The following FLRT2 variants were observed in gnomAD, a reference collection of about 807,000 sequenced individuals.
FLRT2 encodes fibronectin leucine rich transmembrane protein 2.
A neutral mutation model predicts 40.0 loss-of-function variants in FLRT2; 15 were observed. The observed-to-expected ratio is 0.38, with a 90% CI of 0.25 to 0.58. The LOEUF (loss-of-function observed/expected upper bound fraction) is 0.58, where lower values mean the gene tolerates loss of function less well. Among genes scored for constraint, FLRT2 ranks in the 20% least tolerant of loss-of-function variants. The pLI is 0.71. For missense variants in FLRT2, 726 were observed against 840.0 expected, an observed-to-expected ratio of 0.86 and a Z score of 1.68; for synonymous variants, 380 against 336.8, an observed-to-expected ratio of 1.13 and a Z score of -1.41.
At chr14:85,564,806 G>A (rs779046031) in intron 1 of FLRT2, among the ~76,000 whole-genome samples, 20 of 152,160 alleles carry the variant, frequency 1.3e-4, no homozygotes, top group Non-Finnish European at 2.5e-4. Context: ...ACATCTGGAC[G>A]ATGAGAATTG....
At chr14:85,556,273 T>C (rs1408322643) in intron 1 of FLRT2, among the ~76,000 whole-genome samples, 2 of 152,194 alleles carry the variant, frequency 1.3e-5, no homozygotes, top group Admixed American at 1.3e-4. Context: ...GTAATTTCAT[T>C]GGTAGGAGAT....
chr14:85,554,744 C>T (rs1026794899), intron 1 of FLRT2, among the ~76,000 whole-genome samples: 3 of 152,054 alleles, frequency 2.0e-5, no homozygotes, highest in South Asian at 2.1e-4. Flanking sequence ...TTAGTTTTTC[C>T]TTTCTGATTA....
In FLRT2 at chr14:85,652,530, C is replaced by G. The variant is rs540705018; in HGVS notation, c.*29033C>G. 2 of 151,906 alleles carry G rather than the reference C, an allele frequency of 1.3e-5. No individual in the cohort carries two copies. The highest frequency in any genetic ancestry group is 2.9e-5 in the Non-Finnish European group (2 of 67,942). The allele number at this position is 151,906 out of a possible 1,614,324, so 9.4% of individuals were successfully genotyped here. A position where few individuals can be genotyped will look rare whatever the true frequency, so the allele number is the denominator to read the frequency against. ...TCATCTGATTAAACAAACAAAAAAC[C>G]CATCTTTATTTTTAGACTAAAAGCC... is the stretch of plus-strand genomic sequence containing the variant. On this transcript the variant is annotated 3_prime_UTR_variant, in exon 2 of 2. Transcript: ENST00000330753.
chr14:85,626,821 C>T lies in FLRT2; in HGVS notation c.*3324C>T, dbSNP rs780990732. 1.8e-5 allele frequency: 3 copies of T among 167,086 alleles called. No individual in the cohort carries two copies. Among genetic ancestry groups the T allele is most frequent in the African/African-American group, 4.8e-5 (2 of 41,460 alleles). The allele number at this position is 167,086 out of a possible 1,614,324, so 10.4% of individuals were successfully genotyped here. On this transcript the variant is annotated 3_prime_UTR_variant, in exon 2 of 2. Transcript: ENST00000330753. ...TCCCTGAGGTTAAAAACAAAAAGTA[C>T]GTGACCAGTCTGGTAAGAAGTATTA...
intron 1 of FLRT2, among the ~76,000 whole-genome samples, chr14:85,566,888 G>A (rs188994755): frequency 6.6e-6 from 1 of 151,916 alleles, no homozygotes; most frequent in Non-Finnish European, 1.5e-5. Flanking sequence ...AAAGCCTTCC[G>A]TTTCTGCCAG....
rs1371027396 is a variant in FLRT2, at chr14:85,639,461, T to C, written c.*15964T>C. 6.6e-6 allele frequency: 1 copy of C among 152,196 alleles called. No homozygotes were observed. The highest frequency in any genetic ancestry group is 2.4e-5 in the African/African-American group (1 of 41,446). 9.4% of individuals were successfully genotyped at this position (152,196 alleles called of 1,614,324 possible). A position where few individuals can be genotyped will look rare whatever the true frequency, so the allele number is the denominator to read the frequency against. On this transcript the variant is annotated 3_prime_UTR_variant, in exon 2 of 2. Transcript: ENST00000330753. ...TAGGCATTCAAGGTACCACATTTAC[T>C]TTCTACAATGCAAGTAGAAGAAGGG...
chr14:85,535,200 A>T (rs1483801371), intron 1 of FLRT2, among the ~76,000 whole-genome samples: 1 of 152,244 alleles, frequency 6.6e-6, no homozygotes, highest in Non-Finnish European at 1.5e-5. Flanking sequence ...GCTTTGGAGC[A>T]TGTCCACTCG....
At chr14:85,581,133 AC>A (rs1408609040) in intron 1 of FLRT2, among the ~76,000 whole-genome samples, 1 of 152,200 alleles carries the variant, frequency 6.6e-6, no homozygotes, top group Non-Finnish European at 1.5e-5. Context: ...GACCACAGAT[AC>A]CCTTGAAATT....
rs2139409063 is a variant in FLRT2, at chr14:85,649,371, GT to G, written c.*25877del. 1 of 152,126 alleles carries G rather than the reference GT, an allele frequency of 6.6e-6. No homozygotes were observed. The highest frequency in any genetic ancestry group is 1.5e-5 in the Non-Finnish European group (1 of 67,962). 9.4% of individuals were successfully genotyped at this position (152,126 alleles called of 1,614,324 possible). On this transcript the variant is annotated 3_prime_UTR_variant, in exon 2 of 2. Transcript: ENST00000330753. Reference sequence around the variant, plus strand: ...CTTATTTGCATCCATTGGTCTTTTGGTTTATGTGCTTTAATAATTTGAAAAA... The same window carrying G: ...CTTATTTGCATCCATTGGTCTTTTGGTTATGTGCTTTAATAATTTGAAAAA...
At position 85,598,949 on chromosome 14, in the gene FLRT2, G is replaced by A. The variant is rs1385209883; in HGVS notation, c.-376-22190G>A. On this transcript the variant is annotated intron_variant, in intron 1 of 1. Coordinates refer to ENST00000330753, the MANE Select transcript of FLRT2 (RefSeq NM_013231.6). ...TTTTTTTTTTTTGAGACGGAGTCTC[G>A]CTCTGTCGCCCAGGCTGGAGTGCAG... is the stretch of plus-strand genomic sequence containing the variant. 2.4e-5 allele frequency among the ~76,000 whole-genome samples: 3 copies of A among 123,662 alleles called. No individual in the cohort carries two copies. The South Asian group carries it at 7.6e-4, about 31-fold the overall frequency. 81.1% of individuals were successfully genotyped at this position (123,662 alleles called of 152,430 possible). A position where few individuals can be genotyped will look rare whatever the true frequency, so the allele number is the denominator to read the frequency against.
Position 85,650,714 on chromosome 14 carries a change from TAA to T in FLRT2, c.*27218_*27219del, listed in dbSNP as rs1318661644. 1 of 151,460 alleles carries T rather than the reference TAA, an allele frequency of 6.6e-6. No homozygotes were observed. Among genetic ancestry groups the T allele is most frequent in the Non-Finnish European group, 1.5e-5 (1 of 67,960 alleles). The allele number at this position is 151,460 out of a possible 1,614,324, so 9.4% of individuals were successfully genotyped here. A position where few individuals can be genotyped will look rare whatever the true frequency, so the allele number is the denominator to read the frequency against. On this transcript the variant is annotated 3_prime_UTR_variant, in exon 2 of 2. Transcript: ENST00000330753. ...GTACTTCCCCAGTTCCTGTTGTGTT[TAA>T]GTTTGTTTTTTATTTATTTATTATC...
At chr14:85,601,508 A>G (rs1892376790) in intron 1 of FLRT2, among the ~76,000 whole-genome samples, 1 of 152,278 alleles carries the variant, frequency 6.6e-6, no homozygotes, top group Admixed American at 6.5e-5. Context: ...GCAAGCTGCA[A>G]TGGATTAATG....
At chr14:85,615,994 G>A (rs1399434948) in intron 1 of FLRT2, among the ~76,000 whole-genome samples, 1 of 152,172 alleles carries the variant, frequency 6.6e-6, no homozygotes, top group South Asian at 2.1e-4. Flanking sequence ...GAAACACTGA[G>A]CAGAAAGCTA....
Position 85,624,887 on chromosome 14 carries a change from T to C in FLRT2, c.*1390T>C, listed in dbSNP as rs1314868961. ...CCTGGTTTCCACCTTGGACTGACTT[T>C]GATCCTGTTCCACTTTTGAAATTTT... On this transcript the variant is annotated 3_prime_UTR_variant, in exon 2 of 2. Coordinates refer to ENST00000330753, the MANE Select transcript of FLRT2 (RefSeq NM_013231.6). 1.8e-5 allele frequency: 3 copies of C among 167,108 alleles called. No homozygotes were observed. The highest frequency in any genetic ancestry group is 7.2e-5 in the African/African-American group (3 of 41,476). 10.4% of individuals were successfully genotyped at this position (167,108 alleles called of 1,614,324 possible).
At chr14:85,612,200 T>A (rs1002116854) in intron 1 of FLRT2, among the ~76,000 whole-genome samples, 5 of 151,078 alleles carry the variant, frequency 3.3e-5, no homozygotes, top group African/African-American at 1.2e-4. Context: ...TACAAAAATA[T>A]GAGCTTTTTG....
rs17094456 is a variant in FLRT2, at chr14:85,627,078, G to T, written c.*3581G>T. The T allele has an allele frequency of 0.029, 4,848 of 167,052 alleles. 81 individuals carry two copies. Among genetic ancestry groups the T allele is most frequent in the South Asian group, 0.082 (395 of 4,824 alleles). 10.3% of individuals were successfully genotyped at this position (167,052 alleles called of 1,614,324 possible). The stretch of plus-strand genomic sequence containing the variant: ...CCATCGCAGCTTTTGAAAAGTGAAG[G>T]GGTTAATTCCCATTGGTGTCTTTGC... On this transcript the variant is annotated 3_prime_UTR_variant, in exon 2 of 2. Transcript: ENST00000330753.
Position 85,625,706 on chromosome 14 carries a change from A to G in FLRT2, c.*2209A>G, listed in dbSNP as rs529019740. ...AGACATCTAAAATCAAGACAATGAC[A>G]TGGGGGCTTTGTGTACTTAGCTGGA... On this transcript the variant is annotated 3_prime_UTR_variant, in exon 2 of 2. Transcript: ENST00000330753. 4 of 167,086 alleles carry G rather than the reference A, an allele frequency of 2.4e-5. No homozygotes were observed. The highest frequency in any genetic ancestry group is 5.9e-5 in the Non-Finnish European group (4 of 68,156). The allele number at this position is 167,086 out of a possible 1,614,324, so 10.4% of individuals were successfully genotyped here.
In FLRT2 at chr14:85,630,857, T is replaced by C. The variant is rs984927108; in HGVS notation, c.*7360T>C. On this transcript the variant is annotated 3_prime_UTR_variant, in exon 2 of 2. Coordinates refer to ENST00000330753, the MANE Select transcript of FLRT2 (RefSeq NM_013231.6). ...TCTGACTTGGTTAAGACCCTTCCTT[T>C]AGTCTTTTTCTAATTTAGCCTTTCC... is the stretch of plus-strand genomic sequence containing the variant. The C allele has an allele frequency of 6.6e-6, 1 of 152,012 alleles. No individual in the cohort carries two copies. The highest frequency in any genetic ancestry group is 6.6e-5 in the Admixed American group (1 of 15,248). The allele number at this position is 152,012 out of a possible 1,614,324, so 9.4% of individuals were successfully genotyped here. A position where few individuals can be genotyped will look rare whatever the true frequency, so the allele number is the denominator to read the frequency against.
Position 85,643,311 on chromosome 14 carries a change from CTTTCTTT to C in FLRT2, c.*19815_*19821del, listed in dbSNP as rs1894201106. ...CTTTTTTTTCTTTCTTTCTTTCTTT[CTTTCTTT>C]CTTTCTTTCTTTCTTTCTTTCTTTC... On this transcript the variant is annotated 3_prime_UTR_variant, in exon 2 of 2. Coordinates refer to ENST00000330753, the MANE Select transcript of FLRT2 (RefSeq NM_013231.6). 1 of 98,626 alleles carries C rather than the reference CTTTCTTT, an allele frequency of 1.0e-5. No individual in the cohort carries two copies. Among genetic ancestry groups the C allele is most frequent in the Non-Finnish European group, 2.0e-5 (1 of 50,678 alleles). The allele number at this position is 98,626 out of a possible 1,614,324, so 6.1% of individuals were successfully genotyped here. A position where few individuals can be genotyped will look rare whatever the true frequency, so the allele number is the denominator to read the frequency against.
Sources: allele counts gnomAD v4.1 joint callset (sites outside exome capture counted in the v4.1 genomes callset), GRCh38; gene constraint gnomAD v4.1.1; transcripts MANE v1.5; gene names NCBI Gene and HGNC (gene_info 2026-07-23, HGNC 2026-07-21).